The following NAV3 variants were observed in gnomAD, a reference collection of about 807,000 sequenced individuals.
NAV3 encodes the protein pore membrane and/or filament interacting like protein 1.
A neutral mutation model predicts 244.7 loss-of-function variants in NAV3; 87 were observed. The ratio of observed to expected loss-of-function variants is 0.36; its 90% confidence interval spans 0.30 to 0.42. The LOEUF is 0.42. Among genes scored for constraint, NAV3 ranks in the 20% least tolerant of loss-of-function variants. The pLI is 1.00. For missense variants in NAV3, 2,663 were observed against 2,893.3 expected, an observed-to-expected ratio of 0.92 and a Z score of 1.83; for synonymous variants, 1,126 against 1,042.2, an observed-to-expected ratio of 1.08 and a Z score of -1.55.
intron 23 of NAV3, among the ~76,000 whole-genome samples, chr12:78,159,714 A>T (rs1017010467): frequency 1.3e-5 from 2 of 152,080 alleles, no homozygotes; most frequent in Non-Finnish European, 2.9e-5. Flanking sequence ...TAAAACAATG[A>T]TAATACCTTT....
chr12:77,658,414 C>A (rs1873237858), intron 2 of NAV3, among the ~76,000 whole-genome samples: 1 of 148,774 alleles, frequency 6.7e-6, no homozygotes, highest in Non-Finnish European at 1.5e-5. Context: ...ACGTGAAGGA[C>A]CTCTTCAAGG....
chr12:77,979,699 GA>G (rs982567243), intron 5 of NAV3, among the ~76,000 whole-genome samples: 34 of 79,330 alleles, frequency 4.3e-4, no homozygotes, highest in East Asian at 1.9e-3. Context: ...GATGTGAAAC[GA>G]AAAAAAAAAA....
chr12:77,746,892 T>G (rs573830501), intron 2 of NAV3, among the ~76,000 whole-genome samples: 76 of 152,296 alleles, frequency 5.0e-4, no homozygotes, highest in African/African-American at 1.8e-3. Flanking sequence ...TTCTGCTGCA[T>G]GTCATATAGT....
At chr12:77,935,404 A>T (rs1476847825) in intron 1 of NAV3, among the ~76,000 whole-genome samples, 1 of 152,204 alleles carries the variant, frequency 6.6e-6, no homozygotes, top group Non-Finnish European at 1.5e-5. Flanking sequence ...ATAGAGGCAA[A>T]TGATGAAGCT....
intron 2 of NAV3, among the ~76,000 whole-genome samples, chr12:77,713,194 T>A (rs995833581): frequency 5.9e-5 from 9 of 152,218 alleles, no homozygotes; most frequent in Admixed American, 1.3e-4. Flanking sequence ...GTGAAAAATA[T>A]CAACAAGTAA....
At chr12:78,109,680 A>G (rs1287861503) in intron 12 of NAV3, among the ~76,000 whole-genome samples, 9 of 152,226 alleles carry the variant, frequency 5.9e-5, no homozygotes, top group Admixed American at 5.2e-4. Flanking sequence ...TCTTCACAGA[A>G]TATAAGACAA....
chr12:78,063,485 T>C (rs1292352310), intron 12 of NAV3, among the ~76,000 whole-genome samples: 2 of 152,124 alleles, frequency 1.3e-5, no homozygotes, highest in Non-Finnish European at 2.9e-5. Context: ...TCACAAATAT[T>C]TTATAAACAA....
chr12:78,150,641 ACACAC>A (rs1957043899), intron 22 of NAV3, among the ~76,000 whole-genome samples: 1 of 146,194 alleles, frequency 6.8e-6, no homozygotes, highest in Admixed American at 6.8e-5. Context: ...TCACACACAC[ACACAC>A]ACACACACAC....
chr12:77,680,278 T>C (rs2137112251), intron 2 of NAV3, among the ~76,000 whole-genome samples: 1 of 152,212 alleles, frequency 6.6e-6, no homozygotes, highest in South Asian at 2.1e-4. Flanking sequence ...TGAGGTGTAC[T>C]TTTTTCCCAA....
At chr12:78,079,332 T>C (rs1483084146) in intron 12 of NAV3, among the ~76,000 whole-genome samples, 5 of 152,224 alleles carry the variant, frequency 3.3e-5, no homozygotes, top group Admixed American at 2.6e-4. Context: ...AATAGAATCA[T>C]AAATTTTGAA....
upstream of NAV3, among the ~76,000 whole-genome samples, chr12:77,826,366 T>A (rs1873007112): frequency 6.6e-6 from 1 of 151,700 alleles, no homozygotes; most frequent in Non-Finnish European, 1.5e-5. Context: ...ATGGTGCACA[T>A]CTGTAGTCCA....
chr12:77,630,637 T>C (rs1871852883), intron 2 of NAV3, among the ~76,000 whole-genome samples: 1 of 152,170 alleles, frequency 6.6e-6, no homozygotes, highest in African/African-American at 2.4e-5. Context: ...GAAGGAAGAA[T>C]AGGGTAGTTT....
intron 2 of NAV3, among the ~76,000 whole-genome samples, chr12:77,722,360 T>C (rs1012142929): frequency 1.3e-5 from 2 of 152,108 alleles, no homozygotes; most frequent in Non-Finnish European, 2.9e-5. Context: ...TCAGGAAAAC[T>C]ACATGCTGTG....
intron 12 of NAV3, chr12:78,088,690 C>G (rs1012186488): frequency 6.6e-6 from 1 of 152,136 alleles, no homozygotes; most frequent in Admixed American, 6.5e-5. Flanking sequence ...CAGCAGCTCT[C>G]TAAGTCTTGC....
intron 2 of NAV3, among the ~76,000 whole-genome samples, chr12:77,677,435 G>T (rs961207280): frequency 6.6e-6 from 1 of 152,186 alleles, no homozygotes; most frequent in Non-Finnish European, 1.5e-5. Flanking sequence ...CCCGGTTGTT[G>T]TTGCCATCTT....
At chr12:78,057,605 A>C (rs777311694) in intron 11 of NAV3, among the ~76,000 whole-genome samples, 1 of 152,226 alleles carries the variant, frequency 6.6e-6, no homozygotes, top group Non-Finnish European at 1.5e-5. Flanking sequence ...TAGTATTTAT[A>C]TGTCACTTAC....
At chr12:78,081,013 C>T (rs1355538888) in intron 12 of NAV3, among the ~76,000 whole-genome samples, 1 of 152,140 alleles carries the variant, frequency 6.6e-6, no homozygotes, top group East Asian at 1.9e-4. Context: ...GACAAGCTAG[C>T]AGGTATGAAC....
chr12:77,931,263 A>G (rs1888759031), intron 1 of NAV3, among the ~76,000 whole-genome samples: 1 of 151,886 alleles, frequency 6.6e-6, no homozygotes, highest in African/African-American at 2.4e-5. Flanking sequence ...AATTTACAAA[A>G]CTTCTACTTA....
At chr12:77,897,244 C>G (rs1161556814) in intron 1 of NAV3, among the ~76,000 whole-genome samples, 1 of 152,168 alleles carries the variant, frequency 6.6e-6, no homozygotes, top group Non-Finnish European at 1.5e-5. Flanking sequence ...TTGACTATAT[C>G]GTGAATACTT....
Sources: allele counts gnomAD v4.1 joint callset (sites outside exome capture counted in the v4.1 genomes callset), GRCh38; gene constraint gnomAD v4.1.1; transcripts MANE v1.5; gene names NCBI Gene and HGNC (gene_info 2026-07-23, HGNC 2026-07-21).